Variants in LYN observed in about 807,000 individuals in gnomAD.
LYN encodes LYN proto-oncogene, Src family tyrosine kinase.
Under a neutral mutation model 65.0 loss-of-function variants are expected in LYN, and 12 were observed. The ratio of observed to expected loss-of-function variants is 0.18; its 90% CI spans 0.12 to 0.30. LYN has a LOEUF of 0.30. LYN is among the 10% of genes least tolerant of loss of function. The pLI, the probability that LYN is intolerant of heterozygous loss-of-function variation, is 1.00. For synonymous variants in LYN, 222 were observed against 221.2 expected, an observed-to-expected ratio of 1.00 and a Z score of -0.03; for missense variants, 380 against 623.2, an observed-to-expected ratio of 0.61 and a Z score of 4.16.
At chr8:55,906,984 C>T (rs1805446444) in intron 1 of LYN, among the ~76,000 whole-genome samples, 1 of 152,084 alleles carries the variant, frequency 6.6e-6, no homozygotes, top group Non-Finnish European at 1.5e-5. Context: ...ATCAGGGAGA[C>T]GAGTATAAAC....
At position 55,994,750 on chromosome 8, in the gene LYN, G is replaced by C. The variant is rs1334029942; in HGVS notation, c.1051-3596G>C. ...TGGCCCAGTTTATATATAATTATTG[G>C]AATGTTAGGTAGATAAGTGTCTAAG... On this transcript the variant is annotated intron_variant, in intron 10 of 12. Coordinates refer to ENST00000519728, the MANE Select transcript of LYN (RefSeq NM_002350.4). Among the ~76,000 whole-genome samples the C allele has an allele frequency of 2.6e-5, 4 of 152,114 alleles. No homozygotes were observed. The East Asian group carries it at 7.7e-4, about 29-fold the overall frequency.
chr8:55,913,184 G>T (rs1406104573), intron 1 of LYN, among the ~76,000 whole-genome samples: 3 of 152,066 alleles, frequency 2.0e-5, no homozygotes, highest in Non-Finnish European at 2.9e-5. Context: ...GGGCCCCTCT[G>T]TTAAAATCTT....
chr8:55,983,788 C>T (rs1807997308), intron 10 of LYN, among the ~76,000 whole-genome samples: 1 of 152,188 alleles, frequency 6.6e-6, no homozygotes, highest in Admixed American at 6.5e-5. Context: ...CTTGCAATGT[C>T]CCAGAACTCA....
At chr8:55,952,884 C>G (rs973778381) in intron 7 of LYN, among the ~76,000 whole-genome samples, 2 of 152,190 alleles carry the variant, frequency 1.3e-5, no homozygotes, top group African/African-American at 4.8e-5. Context: ...ATGTCCCTGT[C>G]TCCAGTGCCA....
At chr8:55,897,009 G>A (rs1441753074) in intron 1 of LYN, among the ~76,000 whole-genome samples, 4 of 152,170 alleles carry the variant, frequency 2.6e-5, no homozygotes, top group Admixed American at 2.6e-4. Context: ...CAAAGTGCTG[G>A]AATTACAGGC....
intron 1 of LYN, among the ~76,000 whole-genome samples, chr8:55,919,022 CAAAAAAAAAAA>C (rs35663372): frequency 1.6e-5 from 1 of 62,756 alleles, no homozygotes; most frequent in Non-Finnish European, 2.8e-5. Flanking sequence ...CCTGTCTCTA[CAAAAAAAAAAA>C]AAAAAAAAAA....
chr8:55,986,194 C>CCCA (rs1554518222), intron 10 of LYN, among the ~76,000 whole-genome samples: 3 of 145,932 alleles, frequency 2.1e-5, no homozygotes, highest in African/African-American at 5.0e-5. Flanking sequence ...ATCCCCCCCG[C>CCCA]AAAAAAAAAC....
chr8:55,914,435 C>T (rs540140266), intron 1 of LYN, among the ~76,000 whole-genome samples: 9 of 152,036 alleles, frequency 5.9e-5, no homozygotes, highest in Non-Finnish European at 1.2e-4. Flanking sequence ...GGAGAAGGCA[C>T]TTATTTGCTC....
intron 10 of LYN, among the ~76,000 whole-genome samples, chr8:55,973,681 CAGACCA>C (rs1329827447): frequency 6.6e-6 from 1 of 152,190 alleles, no homozygotes; most frequent in African/African-American, 2.4e-5. Flanking sequence ...TCTTGTAATT[CAGACCA>C]AGTGAATCAA....
chr8:55,906,689 G>A (rs1425526501), intron 1 of LYN, among the ~76,000 whole-genome samples: 2 of 150,872 alleles, frequency 1.3e-5, no homozygotes, highest in Non-Finnish European at 2.9e-5. Flanking sequence ...CTTGGGCAAC[G>A]TAGCAAGACC....
chr8:55,890,117 C>CAA (rs34706733), intron 1 of LYN, among the ~76,000 whole-genome samples: 16,949 of 78,738 alleles, frequency 0.22, 2,019 homozygotes, highest in Middle Eastern at 0.28. Context: ...CCTCTATAGA[C>CAA]AAAAAAAAAA....
At chr8:55,917,661 G>A (rs1805817339) in intron 1 of LYN, among the ~76,000 whole-genome samples, 1 of 152,194 alleles carries the variant, frequency 6.6e-6, no homozygotes, top group South Asian at 2.1e-4. Flanking sequence ...ATGGAGACAG[G>A]GCCCTGCCTT....
At chr8:55,932,978 AG>A (rs1271531622) in intron 1 of LYN, among the ~76,000 whole-genome samples, 2 of 152,324 alleles carry the variant, frequency 1.3e-5, no homozygotes, top group Non-Finnish European at 2.9e-5. Flanking sequence ...GGGAGGGAGA[AG>A]GGGAGACATT....
At chr8:55,921,455 G>T (rs1211454257) in intron 1 of LYN, among the ~76,000 whole-genome samples, 2 of 152,208 alleles carry the variant, frequency 1.3e-5, no homozygotes, top group Non-Finnish European at 2.9e-5. Context: ...GTACATAACA[G>T]ACATAAAGTT....
intron 1 of LYN, among the ~76,000 whole-genome samples, chr8:55,938,597 G>T (rs949246935): frequency 6.6e-6 from 1 of 152,124 alleles, no homozygotes; most frequent in African/African-American, 2.4e-5. Flanking sequence ...TACCACATTC[G>T]CATTTTTCTC....
rs115052227 is a variant in LYN at position 55,883,009 on chromosome 8, C to T, written c.-6+2906C>T. On this transcript the variant is annotated intron_variant, in intron 1 of 12. Transcript: ENST00000519728. ...AGATGCATTTAATACACTTAACCTA[C>T]TAAACATTATAGATTAGCCTAACCT... Among the ~76,000 whole-genome samples, 1,242 of 152,300 alleles carry T rather than the reference C, an allele frequency of 8.2e-3. 14 individuals carry two copies. Among genetic ancestry groups the T allele is most frequent in the African/African-American group, 0.027 (1,142 of 41,562 alleles).
intron 1 of LYN, among the ~76,000 whole-genome samples, chr8:55,883,676 G>A (rs1344368442): frequency 6.6e-6 from 1 of 152,198 alleles, no homozygotes; most frequent in Non-Finnish European, 1.5e-5. Context: ...ATCAGTGAGA[G>A]CATCATTTAA....
intron 1 of LYN, among the ~76,000 whole-genome samples, chr8:55,936,867 G>C (rs990602198): frequency 2.0e-5 from 3 of 152,158 alleles, no homozygotes. Flanking sequence ...AGTTCCGGTT[G>C]TACCTGAGAC....
At chr8:55,947,430 G>A (rs1295009871) in intron 3 of LYN, among the ~76,000 whole-genome samples, 188 bp from the exon 4 acceptor site, 1 of 152,150 alleles carries the variant, frequency 6.6e-6, no homozygotes, top group Non-Finnish European at 1.5e-5. Flanking sequence ...ACAAATACTG[G>A]ACACAGTGTA....
Sources: allele counts gnomAD v4.1 joint callset (sites outside exome capture counted in the v4.1 genomes callset), GRCh38; gene constraint gnomAD v4.1.1; transcripts MANE v1.5; gene names NCBI Gene and HGNC (gene_info 2026-07-23, HGNC 2026-07-21).